CUBN: variants seen among roughly 807,000 people sequenced by gnomAD.
The protein encoded by CUBN is 460 kDa receptor.
CUBN carries 282 observed loss-of-function variants against 405.3 expected under a neutral mutation model. That is an observed-to-expected ratio of 0.70 (90% CI 0.63 to 0.77). The LOEUF is 0.77. CUBN is among the 30% of genes least tolerant of loss of function. The pLI is 0.00. For synonymous variants in CUBN, 1,684 were observed against 1,617.0 expected (o/e 1.04, Z -0.99); for missense variants, 4,514 against 4,475.2 (o/e 1.01, Z -0.25).
chr10:17,060,553 C>T (rs4748345), intron 22 of CUBN, among the ~76,000 whole-genome samples: 131,667 of 152,300 alleles, frequency 0.86, 57,209 homozygotes, highest in East Asian at 0.95. Flanking sequence ...ACAAGATAAA[C>T]GAACTGAGCA....
chr10:17,057,548 TAA>T (rs1478459142), intron 22 of CUBN, among the ~76,000 whole-genome samples: 1 of 152,102 alleles, frequency 6.6e-6, no homozygotes, highest in African/African-American at 2.4e-5. Context: ...CACTTTCTTA[TAA>T]AGTTAAACAT....
chr10:17,018,784 T>C (rs370685184), intron 28 of CUBN, among the ~76,000 whole-genome samples: 1 of 152,204 alleles, frequency 6.6e-6, no homozygotes, highest in African/African-American at 2.4e-5. Flanking sequence ...AGACCGCTGA[T>C]TGGTACATTT....
chr10:16,888,815 A>G (rs1840903289), intron 55 of CUBN, among the ~76,000 whole-genome samples: 1 of 152,228 alleles, frequency 6.6e-6, no homozygotes, highest in African/African-American at 2.4e-5. Flanking sequence ...ATATTACCAC[A>G]AATCTACTGC....
intron 40 of CUBN, among the ~76,000 whole-genome samples, chr10:16,930,475 T>A (rs1364827341): frequency 6.6e-6 from 1 of 152,162 alleles, no homozygotes; most frequent in East Asian, 1.9e-4. Flanking sequence ...CCCAAAACCA[T>A]GCTATTAAAT....
At chr10:17,006,586 G>A (rs894756981) in intron 28 of CUBN, among the ~76,000 whole-genome samples, 1 of 152,158 alleles carries the variant, frequency 6.6e-6, no homozygotes, top group Non-Finnish European at 1.5e-5. Flanking sequence ...TCGAGAGAAA[G>A]AGACCTGGAG....
chr10:16,986,030 G>A (rs1833407911), intron 29 of CUBN, among the ~76,000 whole-genome samples: 1 of 152,196 alleles, frequency 6.6e-6, no homozygotes, highest in Non-Finnish European at 1.5e-5. Context: ...GTATGTGTGG[G>A]GCTGGGGAGG....
intron 59 of CUBN, among the ~76,000 whole-genome samples, chr10:16,864,460 T>C (rs191406317): frequency 2.4e-4 from 36 of 152,238 alleles, no homozygotes; most frequent in Admixed American, 6.5e-4. Flanking sequence ...CTCTGACAGC[T>C]AAGGTGCTTT....
intron 41 of CUBN, among the ~76,000 whole-genome samples, chr10:16,927,942 C>T (rs912908303): frequency 1.3e-5 from 2 of 152,150 alleles, no homozygotes; most frequent in African/African-American, 2.4e-5. Flanking sequence ...GACCTGAAGG[C>T]AGCACACTTT....
At chr10:17,067,187 A>G (rs1835628909) in intron 21 of CUBN, among the ~76,000 whole-genome samples, 1 of 152,124 alleles carries the variant, frequency 6.6e-6, no homozygotes, top group Admixed American at 6.6e-5. Context: ...AATCTATAAA[A>G]CCATAGCAGG....
At chr10:17,053,447 T>C (rs1475275414) in intron 22 of CUBN, among the ~76,000 whole-genome samples, 1 of 151,936 alleles carries the variant, frequency 6.6e-6, no homozygotes, top group Admixed American at 6.6e-5. Flanking sequence ...CAAACAAAAG[T>C]GACTTCAAGA....
In CUBN at chr10:17,084,383, T is replaced by C; in HGVS notation, c.2189A>G (p.His730Arg). The C allele has an allele frequency of 1.2e-6, 2 of 1,614,112 alleles. No individual in the cohort carries two copies. The highest frequency in any genetic ancestry group is 8.5e-7 in the Non-Finnish European group (1 of 1,180,000). Residue 730 changes from histidine to arginine, a missense_variant, in exon 17 of 67, where the codon CAC becomes CGC. Around this residue, in one of 5 missense-constraint regions of CUBN, gnomAD observed 1,448 missense variants for 1,388.0 expected, o/e 1.04. Transcript: ENST00000377833. ...FLPELSGPFT[H>R]TRQCVYMMKQ... ...CATCATATAGACGCATTGCCTGGTG[T>C]GAGTGAAAGGCCCAGACAACTCAGG... is the stretch of plus-strand genomic sequence containing the variant.
At chr10:16,908,222 C>T (rs181135180) in intron 48 of CUBN, among the ~76,000 whole-genome samples, 29 of 151,894 alleles carry the variant, frequency 1.9e-4, no homozygotes, top group Admixed American at 5.2e-4. Context: ...CTTGGCTCAC[C>T]GTATCCTTCA....
At chr10:17,111,931 C>G (rs763680431) in intron 8 of CUBN, among the ~76,000 whole-genome samples, 2 of 152,144 alleles carry the variant, frequency 1.3e-5, no homozygotes, top group Non-Finnish European at 2.9e-5. Flanking sequence ...CAAAAACAAA[C>G]TGTTAAAATC....
At chr10:17,015,075 G>A (rs1456170302) in intron 28 of CUBN, among the ~76,000 whole-genome samples, 1 of 152,212 alleles carries the variant, frequency 6.6e-6, no homozygotes, top group African/African-American at 2.4e-5. Flanking sequence ...TTTGATTATT[G>A]TACTCCTAGA....
rs754525566 is a variant in CUBN at position 16,937,614 on chromosome 10, A to T, written c.5904T>A (p.Gly1968=). Residue 1968 remains glycine, a synonymous_variant, in exon 39 of 67, where the codon GGT becomes GGA. Coordinates refer to ENST00000377833, the MANE Select transcript of CUBN (RefSeq NM_001081.4). ...LEWFAVDAPD[G]VLPTIAPGAC... ...CACCTGGAGCAATGGTAGGTAAAAC[A>T]CCATCAGGTGCATCCACTGCAAACC... 5 of 1,613,886 alleles carry T rather than the reference A, an allele frequency of 3.1e-6. No homozygotes were observed. Among genetic ancestry groups the T allele is most frequent in the African/African-American group, 1.3e-5 (1 of 74,922 alleles).
chr10:16,999,979 T>G (rs1327894746), intron 28 of CUBN, among the ~76,000 whole-genome samples: 1 of 152,226 alleles, frequency 6.6e-6, no homozygotes, highest in East Asian at 1.9e-4. Flanking sequence ...TCTGTGACCC[T>G]TTAAACTCTG....
chr10:16,868,296 T>C (rs1403427042), intron 59 of CUBN, among the ~76,000 whole-genome samples: 8 of 152,226 alleles, frequency 5.3e-5, no homozygotes, highest in Non-Finnish European at 1.2e-4. Flanking sequence ...CCTCAAGTAC[T>C]GCATGGAAAA....
chr10:17,055,508 T>C (rs983035138), intron 22 of CUBN, among the ~76,000 whole-genome samples: 1 of 152,072 alleles, frequency 6.6e-6, no homozygotes, highest in African/African-American at 2.4e-5. Context: ...TTGTCATCTA[T>C]GTAGTATATA....
rs1412006391 is a variant in CUBN, at chr10:16,915,033, T to C, written c.7350A>G (p.Glu2450=). ...TGTTGAATGAATCAATGAACTCACC[T>C]TCCATACTGGATTCAAATCGCAGTC... ...GFRLRFESSM[E]ECGGDLQGSI... is the part of the protein sequence containing the mutation. Residue 2450 remains glutamate (E), a splice_region_variant and synonymous_variant, in exon 47 of 67, where the codon GAA becomes GAG. Coordinates refer to ENST00000377833, the MANE Select transcript of CUBN (RefSeq NM_001081.4). The C allele has an allele frequency of 1.6e-5, 26 of 1,613,568 alleles. No individual in the cohort carries two copies. Among genetic ancestry groups the C allele is most frequent in the Non-Finnish European group, 2.2e-5 (26 of 1,179,834 alleles).
Sources: allele counts gnomAD v4.1 joint callset (sites outside exome capture counted in the v4.1 genomes callset), GRCh38; gene constraint gnomAD v4.1.1; regional missense constraint gnomAD v4.1.1; transcripts MANE v1.5; gene names NCBI Gene and HGNC (gene_info 2026-07-23, HGNC 2026-07-21).